FAM200A: variants seen among roughly 807,000 people sequenced by gnomAD.
FAM200A encodes the protein ZBED8 like.
In FAM200A, 26 loss-of-function variants were observed where a neutral mutation model predicts 44.2. The ratio of observed to expected loss-of-function variants is 0.59; its 90% CI spans 0.43 to 0.82. The LOEUF (loss-of-function observed/expected upper bound fraction) is 0.82. Among genes scored for constraint, FAM200A ranks in the 40% least tolerant of loss-of-function variants. The pLI is 0.00. For missense variants in FAM200A, 606 were observed against 669.5 expected (o/e 0.91, Z 1.05); for synonymous variants, 206 against 244.4 (o/e 0.84, Z 1.47).
intron 1 of FAM200A, among the ~76,000 whole-genome samples, chr7:99,551,075 A>G (rs1802517078): frequency 6.6e-6 from 1 of 152,116 alleles, no homozygotes; most frequent in Admixed American, 6.6e-5. Flanking sequence ...AAAAACAAAA[A>G]AACCAACCAA....
upstream of FAM200A, among the ~76,000 whole-genome samples, chr7:99,555,293 G>A (rs1802656502): frequency 1.3e-5 from 2 of 152,268 alleles, no homozygotes; most frequent in African/African-American, 2.4e-5. Context: ...GCCAAGGAAT[G>A]CAAAATATAT....
upstream of FAM200A, among the ~76,000 whole-genome samples, chr7:99,554,478 C>CAAAA (rs397889799): frequency 7.7e-5 from 4 of 52,158 alleles, no homozygotes; most frequent in East Asian, 4.8e-4. Flanking sequence ...GACTCCGTCT[C>CAAAA]AAAAAAAAAA....
Position 99,546,386 on chromosome 7 carries a change from TGA to T in FAM200A, c.*298_*299del. ...AAGTACAAATACAATTTTTTTTTTT[TGA>T]GATGAAGTCTCACGCTGTTGCCCAG... On this transcript the variant is annotated 3_prime_UTR_variant, in exon 2 of 2. Transcript: ENST00000449309. 3.8e-6 allele frequency: 1 copy of T among 259,930 alleles called. No homozygotes were observed. Among genetic ancestry groups the T allele is most frequent in the Non-Finnish European group, 7.1e-6 (1 of 140,174 alleles). 16.1% of individuals were successfully genotyped at this position (259,930 alleles called of 1,614,324 possible).
chr7:99,555,907 AG>A (rs1333882688), upstream of FAM200A, among the ~76,000 whole-genome samples: 2 of 152,172 alleles, frequency 1.3e-5, no homozygotes, highest in African/African-American at 2.4e-5. Context: ...CTCCGTGTCA[AG>A]AAAAAAAAAT....
intron 1 of FAM200A, among the ~76,000 whole-genome samples, chr7:99,557,818 A>G (rs919320572): frequency 3.9e-5 from 6 of 152,252 alleles, no homozygotes; most frequent in African/African-American, 1.4e-4. Context: ...TTGCTTAAAC[A>G]AAGTAGTAAC....
chr7:99,549,271 A>C (rs1046115599), intron 1 of FAM200A, among the ~76,000 whole-genome samples: 15 of 150,724 alleles, frequency 1.0e-4, no homozygotes, highest in South Asian at 8.6e-4. Flanking sequence ...TGGAGGGAGA[A>C]TGAGATTTCC....
intron 1 of FAM200A, 87 bp downstream of exon 1, chr7:99,551,767 G>T: frequency 1.0e-6 from 1 of 954,290 alleles, no homozygotes; most frequent in Non-Finnish European, 1.2e-6. Context: ...CACCAGGACT[G>T]GGGGTCCAGA....
At chr7:99,557,865 TA>T (rs1802748329) in intron 1 of FAM200A, among the ~76,000 whole-genome samples, 1 of 152,190 alleles carries the variant, frequency 6.6e-6, no homozygotes, top group Non-Finnish European at 1.5e-5. Context: ...TCTGATTCTC[TA>T]AGAGGCTTGC....
chr7:99,552,054 A>T lies in FAM200A; in HGVS notation c.-300T>A. On this transcript the variant is annotated 5_prime_UTR_variant, in exon 1 of 2. Transcript: ENST00000449309. ...GATAGAAGGGGTTGTGACTTTGGGG[A>T]CCAGGAGCACTAGACTCACATCCAA... 3 of 985,534 alleles carry T rather than the reference A, an allele frequency of 3.0e-6. No individual in the cohort carries two copies. The highest frequency in any genetic ancestry group is 3.6e-6 in the Non-Finnish European group (3 of 830,018). The allele number at this position is 985,534 out of a possible 1,614,324, so 61.0% of individuals were successfully genotyped here.
intron 1 of FAM200A, among the ~76,000 whole-genome samples, chr7:99,557,623 C>T (rs951556479): frequency 6.6e-6 from 1 of 152,124 alleles, no homozygotes; most frequent in Non-Finnish European, 1.5e-5. Context: ...GCACTGCAGA[C>T]TAGAGAGATT....
rs1802408216 is a variant in FAM200A at position 99,547,203 on chromosome 7, A to AT, written c.1204_1205insA (p.Leu402TyrfsTer11). ...AATGTTCTCTTCGATGTGTTGCAAT[A>AT]ATGTTGGAAACATATAGTAGCTAGG... is the stretch of plus-strand genomic sequence containing the variant. On this transcript the variant is annotated frameshift_variant, in exon 2 of 2. Coordinates refer to ENST00000449309, the MANE Select transcript of FAM200A (RefSeq NM_145111.4). LOFTEE classifies it high-confidence loss of function. 2 of 1,549,526 alleles carry AT rather than the reference A, an allele frequency of 1.3e-6. No homozygotes were observed. The highest frequency in any genetic ancestry group is 1.7e-6 in the Non-Finnish European group (2 of 1,146,484).
chr7:99,549,423 A>C (rs1802478070), intron 1 of FAM200A, among the ~76,000 whole-genome samples: 1 of 152,152 alleles, frequency 6.6e-6, no homozygotes, highest in African/African-American at 2.4e-5. Context: ...GGATGTGGAG[A>C]AATAGGAATA....
upstream of FAM200A, among the ~76,000 whole-genome samples, chr7:99,554,117 A>C (rs529402276): frequency 6.6e-6 from 1 of 152,126 alleles, no homozygotes; most frequent in Non-Finnish European, 1.5e-5. Flanking sequence ...TCTAAGACTC[A>C]GTGTTGGTCT....
upstream of FAM200A, among the ~76,000 whole-genome samples, chr7:99,552,529 C>T (rs1444083826): frequency 6.6e-5 from 10 of 152,138 alleles, no homozygotes; most frequent in Non-Finnish European, 1.2e-4. Flanking sequence ...AATACTTGAT[C>T]TATAGGCAAC....
upstream of FAM200A, among the ~76,000 whole-genome samples, chr7:99,556,773 C>T (rs533032561): frequency 1.3e-5 from 2 of 152,284 alleles, no homozygotes; most frequent in South Asian, 4.1e-4. Context: ...CAGTGGCTCA[C>T]GCCTGTAATC....
intron 1 of FAM200A, 103 bp downstream of exon 1, chr7:99,551,751 G>A (rs1242080655): frequency 3.3e-6 from 3 of 918,202 alleles, no homozygotes; most frequent in African/African-American, 3.6e-5. Context: ...CGTCTTTGGG[G>A]TAAAACACCA....
upstream of FAM200A, chr7:99,552,198 T>A (rs547569610): frequency 5.1e-6 from 5 of 984,104 alleles, no homozygotes; most frequent in African/African-American, 5.2e-5. Flanking sequence ...GGACTTTGCA[T>A]CCCTGTGTAG....
In FAM200A at chr7:99,547,134, A is replaced by G; in HGVS notation, c.1274T>C (p.Leu425Ser). Residue 425 changes from leucine to serine, a missense_variant, in exon 2 of 2, where the codon TTG becomes TCG. Physicochemically the swap from Leu to Ser is moderately radical, Grantham distance 145. Coordinates refer to ENST00000449309, the MANE Select transcript of FAM200A (RefSeq NM_145111.4). ...CLKEIKLEIL[L>S]HLTSLSQTFN... Reference sequence around the variant, plus strand: ...AGTTTGAGACAAAGAAGTGAGATGCAACAATATCTCTAATTTTATTTCTTT... The same window carrying G: ...AGTTTGAGACAAAGAAGTGAGATGCGACAATATCTCTAATTTTATTTCTTT... 1 of 1,546,406 alleles carries G rather than the reference A, an allele frequency of 6.5e-7. No homozygotes were observed. Among genetic ancestry groups the G allele is most frequent in the Non-Finnish European group, 8.7e-7 (1 of 1,145,522 alleles).
At chr7:99,548,601 G>A (rs2151129078) in intron 1 of FAM200A, 95 bp from the exon 2 acceptor site, 2 of 1,071,256 alleles carry the variant, frequency 1.9e-6, no homozygotes, top group South Asian at 1.8e-5. Flanking sequence ...ATCTAGTGGT[G>A]TGACATGGTA....
Sources: gnomAD v4.1 joint callset for allele counts (sites outside exome capture counted in the v4.1 genomes callset) on GRCh38, gnomAD v4.1.1 for gene constraint, MANE v1.5 for transcripts, NCBI Gene and HGNC (gene_info 2026-07-23, HGNC 2026-07-21) for gene names.